The following CSMD1 variants were observed in gnomAD, a reference collection of about 807,000 sequenced individuals.
CSMD1 encodes CUB and sushi domain-containing protein 1.
In CSMD1, 213 loss-of-function variants were observed where a neutral mutation model predicts 417.5. The ratio of observed to expected loss-of-function variants is 0.51; its 90% confidence interval spans 0.46 to 0.57. The LOEUF is 0.57. Among genes scored for constraint, CSMD1 ranks in the 20% least tolerant of loss-of-function variants. The pLI, the probability that CSMD1 is intolerant of heterozygous loss-of-function variation, is 0.00. For missense variants in CSMD1, 6,923 were observed against 4,529.7 expected (o/e 1.53, Z -15.17); for synonymous variants, 2,862 against 1,736.8 (o/e 1.65, Z -16.11).
At chr8:4,063,777 C>A (rs1455845869) in intron 3 of CSMD1, among the ~76,000 whole-genome samples, 1 of 152,106 alleles carries the variant, frequency 6.6e-6, no homozygotes, top group African/African-American at 2.4e-5. Context: ...TCTACTTCTT[C>A]ATTCAGTTCC....
intron 15 of CSMD1, among the ~76,000 whole-genome samples, chr8:3,400,133 A>G (rs1366942948): frequency 6.6e-6 from 1 of 152,208 alleles, no homozygotes; most frequent in African/African-American, 2.4e-5. Context: ...AAGGAGAAAT[A>G]AAGTTTGAAA....
chr8:4,299,975 A>G (rs1264046555), intron 3 of CSMD1, among the ~76,000 whole-genome samples: 1 of 152,188 alleles, frequency 6.6e-6, no homozygotes, highest in Non-Finnish European at 1.5e-5. Context: ...GATAATAGCT[A>G]TTAGAATTTC....
At chr8:4,336,776 C>G (rs1268276525) in intron 3 of CSMD1, among the ~76,000 whole-genome samples, 1 of 151,970 alleles carries the variant, frequency 6.6e-6, no homozygotes, top group Non-Finnish European at 1.5e-5. Context: ...AAAGCTGGGC[C>G]CAGAGGGAGA....
intron 3 of CSMD1, among the ~76,000 whole-genome samples, chr8:4,386,363 T>C (rs201777069): frequency 1.3e-5 from 2 of 150,856 alleles, no homozygotes; most frequent in Non-Finnish European, 2.9e-5. Context: ...ACTCAAACAA[T>C]ATACACTATC....
In CSMD1 at chr8:4,442,442, A is replaced by G. The variant is rs145641848; in HGVS notation, c.303-22377T>C. On this transcript the variant is annotated intron_variant, in intron 2 of 69. Transcript: ENST00000635120. ...ATATGAACATATAAAGCCCAGTTCT[A>G]TAAATACATCTACTTACATGCTTAT... Among the ~76,000 whole-genome samples the G allele has an allele frequency of 5.2e-3, 799 of 152,300 alleles. 3 individuals carry two copies. Among genetic ancestry groups the G allele is most frequent in the African/African-American group, 0.019 (772 of 41,564 alleles).
intron 2 of CSMD1, among the ~76,000 whole-genome samples, chr8:4,442,324 G>C (rs13265103): frequency 0.23 from 34,364 of 152,100 alleles, 4,987 homozygotes; most frequent in Non-Finnish European, 0.33. Flanking sequence ...AAAGTATAAA[G>C]TAGAAGTTCT....
intron 1 of CSMD1, among the ~76,000 whole-genome samples, chr8:4,651,325 C>G (rs1803881219): frequency 6.6e-6 from 1 of 152,072 alleles, no homozygotes; most frequent in African/African-American, 2.4e-5. Flanking sequence ...AAAGTGTTGA[C>G]AAAATCAACC....
At chr8:3,262,290 A>G (rs1228892894) in intron 26 of CSMD1, among the ~76,000 whole-genome samples, 1 of 147,748 alleles carries the variant, frequency 6.8e-6, no homozygotes, top group Admixed American at 6.8e-5. Flanking sequence ...TAAGCGTCAC[A>G]GAAGTCATGT....
At position 4,754,544 on chromosome 8, in the gene CSMD1, G is replaced by T. The variant is rs903033294; in HGVS notation, c.86-116986C>A. On this transcript the variant is annotated intron_variant, in intron 1 of 69. Coordinates refer to ENST00000635120, the MANE Select transcript of CSMD1 (RefSeq NM_033225.6). ...TTAGCGTCTATGTACTGCACACTTT[G>T]TTTTTTTTTTTTTAAAGCCAAGTAG... Among the ~76,000 whole-genome samples, 11 of 145,484 alleles carry T rather than the reference G, an allele frequency of 7.6e-5. No individual in the cohort carries two copies. The East Asian group carries it at 1.2e-3, about 16-fold the overall frequency.
chr8:3,452,276 A>T (rs62505642), intron 12 of CSMD1, among the ~76,000 whole-genome samples: 28,178 of 152,094 alleles, frequency 0.19, 2,781 homozygotes, highest in East Asian at 0.25. Context: ...GGACAATTTG[A>T]CTTCCTCTTT....
chr8:4,801,555 T>G (rs1257930601), intron 1 of CSMD1, among the ~76,000 whole-genome samples: 1 of 152,182 alleles, frequency 6.6e-6, no homozygotes, highest in East Asian at 1.9e-4. Flanking sequence ...TCTTTTCTAT[T>G]AATTTAACTC....
chr8:3,499,904 A>G (rs1201258989), intron 10 of CSMD1, among the ~76,000 whole-genome samples: 2 of 152,052 alleles, frequency 1.3e-5, no homozygotes, highest in Non-Finnish European at 1.5e-5. Context: ...CCCAGAGAAC[A>G]AGAGAGGAAC....
intron 3 of CSMD1, among the ~76,000 whole-genome samples, chr8:4,181,609 T>TAA (rs999030474): frequency 6.6e-6 from 1 of 152,194 alleles, no homozygotes; most frequent in African/African-American, 2.4e-5. Context: ...CTATAAGGCT[T>TAA]AAAATTCATT....
chr8:4,086,723 A>T (rs1417242917), intron 3 of CSMD1, among the ~76,000 whole-genome samples: 1 of 152,238 alleles, frequency 6.6e-6, no homozygotes, highest in Non-Finnish European at 1.5e-5. Context: ...GATAGATGAC[A>T]TTGACAAGTA....
chr8:4,699,789 C>G (rs1807395112), intron 1 of CSMD1, among the ~76,000 whole-genome samples: 1 of 152,162 alleles, frequency 6.6e-6, no homozygotes, highest in Non-Finnish European at 1.5e-5. Context: ...GGATATGGTG[C>G]TTGAACTCAC....
chr8:3,191,026 G>C (rs1436388840), intron 33 of CSMD1, among the ~76,000 whole-genome samples: 1 of 152,164 alleles, frequency 6.6e-6, no homozygotes, highest in Non-Finnish European at 1.5e-5. Context: ...CATAAAATGA[G>C]TATGCCCTGG....
chr8:3,831,730 T>C (rs748489662), intron 5 of CSMD1, among the ~76,000 whole-genome samples: 1 of 152,156 alleles, frequency 6.6e-6, no homozygotes, highest in Non-Finnish European at 1.5e-5. Context: ...AAGAATAGGT[T>C]TCCAAATACA....
intron 1 of CSMD1, among the ~76,000 whole-genome samples, chr8:4,667,073 G>A (rs1804984055): frequency 6.6e-6 from 1 of 151,960 alleles, no homozygotes; most frequent in Non-Finnish European, 1.5e-5. Context: ...ACATGTACAG[G>A]TCCAGTTATT....
chr8:3,382,650 T>G (rs1010372300), intron 18 of CSMD1, among the ~76,000 whole-genome samples: 2 of 148,378 alleles, frequency 1.3e-5, no homozygotes, highest in African/African-American at 4.9e-5. Flanking sequence ...TATATAGAGA[T>G]AGATATAAAA....
Sources: gnomAD v4.1 joint callset for allele counts (sites outside exome capture counted in the v4.1 genomes callset) on GRCh38, gnomAD v4.1.1 for gene constraint, MANE v1.5 for transcripts, NCBI Gene and HGNC (gene_info 2026-07-23, HGNC 2026-07-21) for gene names.